LIN7A: variants seen among roughly 807,000 people sequenced by gnomAD.
LIN7A encodes the protein protein lin-7 homolog A.
In LIN7A, 25 loss-of-function variants were observed where a neutral mutation model predicts 29.8. The ratio of observed to expected loss-of-function variants is 0.84; its 90% CI spans 0.61 to 1.17. The LOEUF (loss-of-function observed/expected upper bound fraction) is 1.17. LIN7A is among the 50% of genes most tolerant of loss of function. The pLI, the probability that LIN7A is intolerant of heterozygous loss-of-function variation, is 0.00. For synonymous variants in LIN7A, 118 were observed against 107.5 expected (o/e 1.10, Z -0.60); for missense variants, 239 against 287.0 (o/e 0.83, Z 1.21).
intron 2 of LIN7A, among the ~76,000 whole-genome samples, chr12:80,882,704 G>T (rs1044825647): frequency 6.6e-6 from 1 of 152,054 alleles, no homozygotes; most frequent in African/African-American, 2.4e-5. Flanking sequence ...TCTAATTTTA[G>T]CTTTTTATCA....
rs534046217 is a variant in LIN7A at position 80,792,552 on chromosome 12, A to C, written c.*5175T>G. 1.3e-5 allele frequency: 2 copies of C among 152,328 alleles called. No individual in the cohort carries two copies. Among genetic ancestry groups the C allele is most frequent in the African/African-American group, 4.8e-5 (2 of 41,586 alleles). 9.4% of individuals were successfully genotyped at this position (152,328 alleles called of 1,614,324 possible). A position where few individuals can be genotyped will look rare whatever the true frequency, so the allele number is the denominator to read the frequency against. Reference sequence around the variant, plus strand: ...TCTAATACTTTTACTTCCCAGCAGCATAATACCACTTTGGTCAGGTTGAAC... The same window carrying C: ...TCTAATACTTTTACTTCCCAGCAGCCTAATACCACTTTGGTCAGGTTGAAC... On this transcript the variant is annotated 3_prime_UTR_variant, in exon 6 of 6. Transcript: ENST00000552864.
intron 4 of LIN7A, among the ~76,000 whole-genome samples, chr12:80,823,014 G>T (rs955685638): frequency 3.3e-5 from 5 of 152,294 alleles, no homozygotes; most frequent in Admixed American, 2.6e-4. Flanking sequence ...ACAAACCCCA[G>T]ATTCAGCCAG....
At chr12:80,818,325 T>C (rs1871633629) in intron 4 of LIN7A, among the ~76,000 whole-genome samples, 2 of 152,194 alleles carry the variant, frequency 1.3e-5, no homozygotes, top group South Asian at 4.1e-4. Context: ...TAAACATGCA[T>C]GTGTGTATAT....
intron 2 of LIN7A, among the ~76,000 whole-genome samples, chr12:80,864,587 C>T (rs548670209): frequency 7.4e-4 from 112 of 152,234 alleles, no homozygotes; most frequent in African/African-American, 2.6e-3. Flanking sequence ...GCACTGAATG[C>T]GGCTTGTCTC....
At chr12:80,868,147 C>T (rs776099313) in intron 2 of LIN7A, among the ~76,000 whole-genome samples, 11 of 152,158 alleles carry the variant, frequency 7.2e-5, no homozygotes, top group Non-Finnish European at 1.5e-4. Flanking sequence ...AGTTGCCTCC[C>T]GCAAGAGTGT....
chr12:80,918,627 T>A (rs78582378), intron 1 of LIN7A, among the ~76,000 whole-genome samples: 1 of 152,208 alleles, frequency 6.6e-6, no homozygotes, highest in African/African-American at 2.4e-5. Context: ...TACTCCCTCA[T>A]TTTCAATCTA....
intron 1 of LIN7A, among the ~76,000 whole-genome samples, chr12:80,902,217 G>GGT (rs1876251078): frequency 1.6e-5 from 2 of 125,644 alleles, no homozygotes; most frequent in Admixed American, 8.3e-5. Flanking sequence ...TGGTCTATGT[G>GGT]TTTTTTTTTT....
chr12:80,805,572 T>C (rs1870935587), intron 5 of LIN7A, among the ~76,000 whole-genome samples: 1 of 152,136 alleles, frequency 6.6e-6, no homozygotes, highest in Admixed American at 6.5e-5. Flanking sequence ...CTCAGAATGT[T>C]GATATCTCCA....
At position 80,937,711 on chromosome 12, in the gene LIN7A, C is replaced by G; in HGVS notation, c.12G>C (p.Pro4=). The G allele has an allele frequency of 1.4e-6, 2 of 1,415,104 alleles. No individual in the cohort carries two copies. Among genetic ancestry groups the G allele is most frequent in the South Asian group, 2.5e-5 (2 of 79,988 alleles). The allele number at this position is 1,415,104 out of a possible 1,614,324, so 87.7% of individuals were successfully genotyped here. A position where few individuals can be genotyped will look rare whatever the true frequency, so the allele number is the denominator to read the frequency against. Residue 4 remains proline (P), a synonymous_variant, in exon 1 of 6, where the codon CCG becomes CCC. Coordinates refer to ENST00000552864, the MANE Select transcript of LIN7A (RefSeq NM_004664.4). ...CTGCCGTGGGAGCCGAAGTGACGCTCGGCTTCAGCATCAGCAACCGCTCGT... is the reference window on the plus strand; with the variant it reads ...CTGCCGTGGGAGCCGAAGTGACGCTGGGCTTCAGCATCAGCAACCGCTCGT... MLK[P]SVTSAPTADM...
chr12:80,830,079 A>G (rs1217977302), intron 4 of LIN7A, among the ~76,000 whole-genome samples: 1 of 152,172 alleles, frequency 6.6e-6, no homozygotes, highest in Non-Finnish European at 1.5e-5. Flanking sequence ...TAATCCATGA[A>G]GGTCCAAACA....
chr12:80,895,371 C>T (rs915264383), intron 1 of LIN7A, among the ~76,000 whole-genome samples: 1 of 152,248 alleles, frequency 6.6e-6, no homozygotes, highest in Admixed American at 6.5e-5. Context: ...TTTTTTCATT[C>T]TCTAATGATG....
intron 4 of LIN7A, among the ~76,000 whole-genome samples, chr12:80,831,497 C>T (rs1404916735): frequency 6.6e-6 from 1 of 152,124 alleles, no homozygotes; most frequent in African/African-American, 2.4e-5. Flanking sequence ...CTAAAAGTTG[C>T]ACATAATTAT....
intron 2 of LIN7A, among the ~76,000 whole-genome samples, chr12:80,857,305 C>T (rs553972829): frequency 3.3e-4 from 50 of 152,282 alleles, no homozygotes; most frequent in African/African-American, 1.1e-3. Context: ...AAAAGCTTCA[C>T]TAGAGAAGAT....
intron 4 of LIN7A, among the ~76,000 whole-genome samples, chr12:80,837,680 T>C (rs1445845430): frequency 1.3e-5 from 2 of 152,214 alleles, no homozygotes; most frequent in Admixed American, 6.5e-5. Flanking sequence ...TAATTTGTTA[T>C]AGCAGCCATA....
At chr12:80,889,419 A>G (rs1875511626) in intron 1 of LIN7A, 50 bp from the exon 2 acceptor site, 2 of 1,148,296 alleles carry the variant, frequency 1.7e-6, no homozygotes, top group East Asian at 2.4e-5. Context: ...ATTGTATCTC[A>G]TCAGCTGAAA....
chr12:80,808,747 C>T (rs558471200), intron 5 of LIN7A, among the ~76,000 whole-genome samples: 3 of 152,146 alleles, frequency 2.0e-5, no homozygotes, highest in Non-Finnish European at 4.4e-5. Context: ...TCTCGTGATC[C>T]ACCTGCCTCG....
chr12:80,886,654 T>A (rs1185816182), intron 2 of LIN7A, among the ~76,000 whole-genome samples: 1 of 152,048 alleles, frequency 6.6e-6, no homozygotes, highest in Non-Finnish European at 1.5e-5. Flanking sequence ...ATCTTACTAG[T>A]TCAAATTTAT....
intron 2 of LIN7A, among the ~76,000 whole-genome samples, chr12:80,878,503 C>T (rs942884000): frequency 2.6e-5 from 4 of 151,964 alleles, no homozygotes; most frequent in African/African-American, 4.8e-5. Context: ...TGGACCTTTG[C>T]GGTGAGTGTG....
intron 2 of LIN7A, among the ~76,000 whole-genome samples, chr12:80,862,218 T>A (rs1873915983): frequency 6.6e-6 from 1 of 152,188 alleles, no homozygotes; most frequent in African/African-American, 2.4e-5. Context: ...AAAAAGAGTT[T>A]CATCATATTT....
Sources: gnomAD v4.1 joint callset for allele counts (sites outside exome capture counted in the v4.1 genomes callset) on GRCh38, gnomAD v4.1.1 for gene constraint, MANE v1.5 for transcripts, NCBI Gene and HGNC (gene_info 2026-07-23, HGNC 2026-07-21) for gene names.